The following CNBD1 variants were observed in gnomAD, a reference collection of about 807,000 sequenced individuals.
The protein encoded by CNBD1 is cyclic nucleotide-binding domain-containing protein 1.
Under a neutral mutation model 54.4 loss-of-function variants are expected in CNBD1, and 71 were observed. The observed-to-expected ratio is 1.30, with a 90% CI of 1.08 to 1.59. The LOEUF (loss-of-function observed/expected upper bound fraction) is 1.59. Ranked by LOEUF, CNBD1 falls within the 40% of genes most tolerant of loss-of-function variation. The pLI, the probability that CNBD1 is intolerant of heterozygous loss-of-function variation, is 0.00. For synonymous variants in CNBD1, 182 were observed against 170.7 expected (o/e 1.07, Z -0.51); for missense variants, 659 against 518.0 (o/e 1.27, Z -2.64).
intron 8 of CNBD1, among the ~76,000 whole-genome samples, chr8:87,313,903 C>A (rs1459761897): frequency 6.6e-6 from 1 of 151,754 alleles, no homozygotes; most frequent in Admixed American, 6.6e-5. Flanking sequence ...ATTGTGTTTA[C>A]CCCCATTTTG....
At chr8:87,164,656 T>C (rs1424894385) in intron 4 of CNBD1, among the ~76,000 whole-genome samples, 1 of 151,756 alleles carries the variant, frequency 6.6e-6, no homozygotes, top group Non-Finnish European at 1.5e-5. Flanking sequence ...CTTTAATTTA[T>C]AATTTTATTT....
At chr8:87,302,820 C>T (rs1002268420) in intron 8 of CNBD1, among the ~76,000 whole-genome samples, 9 of 152,032 alleles carry the variant, frequency 5.9e-5, no homozygotes, top group Admixed American at 2.0e-4. Context: ...GCAAAAATCA[C>T]AAGCATTCTT....
At chr8:86,890,622 A>G (rs1458731816) in intron 2 of CNBD1, among the ~76,000 whole-genome samples, 3 of 152,056 alleles carry the variant, frequency 2.0e-5, no homozygotes, top group Admixed American at 6.5e-5. Context: ...TTCCTGCATC[A>G]TATGTTAATT....
chr8:87,278,634 C>G (rs1039426371), intron 6 of CNBD1, among the ~76,000 whole-genome samples: 1 of 151,356 alleles, frequency 6.6e-6, no homozygotes, highest in Non-Finnish European at 1.5e-5. Context: ...TCATTGCAAG[C>G]AAAGTTACAG....
At chr8:87,052,690 A>T (rs60801066) in intron 4 of CNBD1, among the ~76,000 whole-genome samples, 9 of 152,236 alleles carry the variant, frequency 5.9e-5, no homozygotes, top group African/African-American at 2.2e-4. Context: ...TATAGGAGAC[A>T]TGTTGTTTAT....
chr8:87,360,724 T>A (rs961112973), intron 10 of CNBD1, among the ~76,000 whole-genome samples: 2 of 151,948 alleles, frequency 1.3e-5, no homozygotes, highest in African/African-American at 4.8e-5. Flanking sequence ...CAACAACTTA[T>A]GATTGAAAAA....
chr8:87,337,879 G>A lies in CNBD1; in HGVS notation c.1043-13806G>A, dbSNP rs115585535. ...ATGCTGCTTTGTATCTTTCCAATGG[G>A]ATTCTTTGATTGCTGCTGCTTCTAG... On this transcript the variant is annotated intron_variant, in intron 8 of 10. Coordinates refer to ENST00000518476, the MANE Select transcript of CNBD1 (RefSeq NM_173538.3). 8.2e-3 allele frequency among the ~76,000 whole-genome samples: 1,252 copies of A among 152,200 alleles called. 7 individuals are homozygous for A. The highest frequency in any genetic ancestry group is 0.028 in the African/African-American group (1,176 of 41,512).
At chr8:87,003,053 A>G (rs1437855194) in intron 4 of CNBD1, among the ~76,000 whole-genome samples, 2 of 152,218 alleles carry the variant, frequency 1.3e-5, no homozygotes, top group East Asian at 1.9e-4. Context: ...GGCAGAGGGC[A>G]CAGTTCTCTT....
chr8:87,024,413 C>T (rs1025439172), intron 4 of CNBD1, among the ~76,000 whole-genome samples: 6 of 151,502 alleles, frequency 4.0e-5, no homozygotes, highest in African/African-American at 7.3e-5. Context: ...GATCTTGGCT[C>T]ACTGCAACCT....
chr8:87,262,135 C>G (rs1201997809), intron 6 of CNBD1, among the ~76,000 whole-genome samples: 2 of 152,110 alleles, frequency 1.3e-5, no homozygotes, highest in Non-Finnish European at 2.9e-5. Flanking sequence ...GCCTGGGTGA[C>G]AGACTGAGAC....
At chr8:87,425,673 C>G (rs1397192451) in intron 2 of CNBD1, among the ~76,000 whole-genome samples, 1 of 151,654 alleles carries the variant, frequency 6.6e-6, no homozygotes, top group African/African-American at 2.4e-5. Context: ...GCAGTCTGCC[C>G]GTTCTCAGAT....
intron 6 of CNBD1, among the ~76,000 whole-genome samples, chr8:87,249,870 G>T (rs914096432): frequency 2.0e-5 from 3 of 152,122 alleles, no homozygotes; most frequent in African/African-American, 7.2e-5. Context: ...ACTTCAAACT[G>T]TTAGAAGAAA....
intron 10 of CNBD1, among the ~76,000 whole-genome samples, chr8:87,355,709 T>C (rs1810407402): frequency 6.6e-6 from 1 of 152,194 alleles, no homozygotes; most frequent in South Asian, 2.1e-4. Context: ...ACAGACTAAA[T>C]TGAAAGTTGT....
intron 4 of CNBD1, among the ~76,000 whole-genome samples, chr8:86,961,288 T>G (rs867038026): frequency 6.6e-6 from 1 of 152,176 alleles, no homozygotes; most frequent in Non-Finnish European, 1.5e-5. Context: ...AAATTTCAGG[T>G]AAATTGGTTT....
chr8:87,269,746 C>A (rs1000953273), intron 6 of CNBD1, among the ~76,000 whole-genome samples: 12 of 151,966 alleles, frequency 7.9e-5, no homozygotes, highest in Non-Finnish European at 4.4e-5. Context: ...AGACCAATAA[C>A]CAGTTCCAAA....
At chr8:87,225,409 G>A (rs1422448335) in intron 5 of CNBD1, among the ~76,000 whole-genome samples, 1 of 152,026 alleles carries the variant, frequency 6.6e-6, no homozygotes, top group African/African-American at 2.4e-5. Context: ...TTTGAAATAT[G>A]TCCCATCAAT....
At chr8:87,247,192 T>A (rs1295531774) in intron 6 of CNBD1, among the ~76,000 whole-genome samples, 2 of 152,106 alleles carry the variant, frequency 1.3e-5, no homozygotes, top group Non-Finnish European at 2.9e-5. Context: ...AAGGCCACCA[T>A]CATTTGTGAT....
intron 3 of CNBD1, among the ~76,000 whole-genome samples, chr8:86,912,710 A>T (rs111491354): frequency 2.0e-4 from 31 of 151,974 alleles, no homozygotes; most frequent in South Asian, 4.2e-4. Flanking sequence ...TTTATATTTT[A>T]AAAAAAAGGT....
chr8:87,413,907 C>A (rs1356978977), intron 2 of CNBD1, among the ~76,000 whole-genome samples: 2 of 150,970 alleles, frequency 1.3e-5, no homozygotes, highest in Non-Finnish European at 3.0e-5. Context: ...AATAGGAACA[C>A]TTTTACACTG....
Sources: gnomAD v4.1 joint callset for allele counts (sites outside exome capture counted in the v4.1 genomes callset) on GRCh38, gnomAD v4.1.1 for gene constraint, MANE v1.5 for transcripts, NCBI Gene and HGNC (gene_info 2026-07-23, HGNC 2026-07-21) for gene names.